The following SNX3 variants were observed in gnomAD, a reference collection of about 807,000 sequenced individuals.
SNX3 encodes the protein sorting nexin 3.
Under a neutral mutation model 17.7 loss-of-function variants are expected in SNX3, and 5 were observed. The observed-to-expected ratio is 0.28, with a 90% CI of 0.15 to 0.59. SNX3 has a LOEUF of 0.59. Ranked by LOEUF, SNX3 falls within the 20% of genes least tolerant of loss-of-function variation. The probability of loss-of-function intolerance (pLI) is 0.88; values close to 1 mark genes in which losing one functional copy is unlikely to be tolerated. For missense variants in SNX3, 132 were observed against 206.8 expected, an observed-to-expected ratio of 0.64 and a Z score of 2.22; for synonymous variants, 91 against 76.5, an observed-to-expected ratio of 1.19 and a Z score of -0.99.
chr6:108,260,428 C>A (rs1582521799), intron 1 of SNX3, among the ~76,000 whole-genome samples: 1 of 152,370 alleles, frequency 6.6e-6, no homozygotes, highest in East Asian at 1.9e-4. Context: ...ATCTCTTTCC[C>A]TTCCCAGCGA....
At chr6:108,221,795 T>C (rs543230767) in intron 2 of SNX3, among the ~76,000 whole-genome samples, 8 of 152,334 alleles carry the variant, frequency 5.3e-5, no homozygotes, top group East Asian at 3.9e-4. Flanking sequence ...TCCACCCACG[T>C]TGGCCTCCTG....
rs1287451687 is a variant in SNX3 at position 108,214,564 on chromosome 6, T to C, written c.317A>G (p.Asp106Gly). The C allele has an allele frequency of 3.7e-6, 6 of 1,613,506 alleles. No homozygotes were observed. The highest frequency in any genetic ancestry group is 5.1e-6 in the Non-Finnish European group (6 of 1,179,820). The change falls in exon 3 of 4, where the codon GAT (aspartate) becomes GGT (glycine). Residue 106 changes from aspartate (D) to glycine (G), a missense_variant. This residue lies in a region of SNX3 where 54 missense variants were observed against 118.0 expected (regional missense o/e 0.46). Transcript: ENST00000230085. ...AAAATTGTCATCAAATATTCCATCA[T>C]CTCCTCTAAAAGGAAGCTGACGCAA... ...AFLRQLPFRG[D>G]DGIFDDNFIE...
intron 1 of SNX3, among the ~76,000 whole-genome samples, chr6:108,245,770 A>G (rs1412379264): frequency 6.6e-6 from 1 of 152,212 alleles, no homozygotes; most frequent in Non-Finnish European, 1.5e-5. Flanking sequence ...GTGTCTGTTC[A>G]TATCCTTTGC....
intron 1 of SNX3, among the ~76,000 whole-genome samples, chr6:108,245,024 T>C (rs1029169667): frequency 2.0e-5 from 3 of 152,118 alleles, no homozygotes; most frequent in Non-Finnish European, 2.9e-5. Flanking sequence ...ACATGTGCCA[T>C]GGTGGTTTGC....
chr6:108,238,120 A>C (rs946766153), intron 1 of SNX3, among the ~76,000 whole-genome samples: 6 of 141,400 alleles, frequency 4.2e-5, no homozygotes, highest in South Asian at 2.2e-4. Flanking sequence ...AAAAAAAAAA[A>C]CAAACAAAAA....
chr6:108,237,014 T>C (rs1161526061), intron 1 of SNX3, among the ~76,000 whole-genome samples: 5 of 152,202 alleles, frequency 3.3e-5, no homozygotes, highest in Non-Finnish European at 7.4e-5. Context: ...TCACTTAACA[T>C]AAAAATCTTT....
At position 108,260,757 on chromosome 6, in the gene SNX3, C is replaced by T; in HGVS notation, c.162+3G>A. The T allele has an allele frequency of 6.2e-7, 1 of 1,613,618 alleles. No homozygotes were observed. Among genetic ancestry groups the T allele is most frequent in the Non-Finnish European group, 8.5e-7 (1 of 1,179,726 alleles). ...TCTTGGGAGAGGGGAGAGACGGCCT[C>T]ACCTTGACCCTGATTTCGTAAGTGG... is the stretch of plus-strand genomic sequence containing the variant. On this transcript the variant is annotated splice_donor_region_variant and intron_variant, in intron 1 of 3. Transcript: ENST00000230085.
In SNX3 at chr6:108,234,353, G is replaced by C. The variant is rs1301550903; in HGVS notation, c.163-11308C>G. 3.9e-5 allele frequency among the ~76,000 whole-genome samples: 6 copies of C among 152,098 alleles called. No individual in the cohort carries two copies. In the East Asian group the frequency reaches 5.8e-4, roughly 15 times the overall value. ...GGATCACCTGAGGTCAGGAGTTCAA[G>C]ACCAGCCTGGCCAATATGGCAAAAC... On this transcript the variant is annotated intron_variant, in intron 1 of 3. Coordinates refer to ENST00000230085, the MANE Select transcript of SNX3 (RefSeq NM_003795.6).
intron 1 of SNX3, among the ~76,000 whole-genome samples, chr6:108,260,277 A>G (rs540146410): frequency 1.3e-5 from 2 of 152,296 alleles, no homozygotes; most frequent in African/African-American, 4.8e-5. Flanking sequence ...TCCCGTTCAG[A>G]AGACTGCACA....
chr6:108,212,303 G>A (rs1340593539), intron 3 of SNX3, 49 bp from the exon 4 acceptor site: 1 of 1,299,560 alleles, frequency 7.7e-7, no homozygotes, highest in African/African-American at 1.5e-5. Context: ...ACAAGGTGGG[G>A]GAGTTCAAAA....
At chr6:108,226,468 A>C (rs914004250) in intron 1 of SNX3, among the ~76,000 whole-genome samples, 4 of 152,186 alleles carry the variant, frequency 2.6e-5, no homozygotes, top group South Asian at 2.1e-4. Context: ...CAAAAATACT[A>C]CTCAACACTA....
At chr6:108,258,556 C>T (rs1455086473) in intron 1 of SNX3, among the ~76,000 whole-genome samples, 1 of 152,024 alleles carries the variant, frequency 6.6e-6, no homozygotes, top group African/African-American at 2.4e-5. Context: ...GTTATGCCGG[C>T]TTGAGTAGAG....
intron 1 of SNX3, among the ~76,000 whole-genome samples, chr6:108,238,909 T>C (rs1022771014): frequency 1.3e-5 from 2 of 151,896 alleles, no homozygotes; most frequent in Non-Finnish European, 2.9e-5. Flanking sequence ...TTCTTTCTTT[T>C]TTTTTTTTTG....
At chr6:108,257,860 C>T (rs1020113679) in intron 1 of SNX3, among the ~76,000 whole-genome samples, 2 of 150,740 alleles carry the variant, frequency 1.3e-5, no homozygotes, top group African/African-American at 2.4e-5. Flanking sequence ...GCTACTTGGG[C>T]GGCTGAGGCA....
At chr6:108,240,434 G>A (rs1313107491) in intron 1 of SNX3, among the ~76,000 whole-genome samples, 1 of 152,110 alleles carries the variant, frequency 6.6e-6, no homozygotes. Context: ...AGCAAGGCTG[G>A]TCTCAAAATC....
At chr6:108,248,288 T>C (rs375078967) in intron 1 of SNX3, among the ~76,000 whole-genome samples, 13 of 152,244 alleles carry the variant, frequency 8.5e-5, no homozygotes, top group Non-Finnish European at 1.8e-4. Flanking sequence ...GCATATCTTA[T>C]TCATCTTTTA....
At chr6:108,219,846 G>A (rs1426081454) in intron 2 of SNX3, among the ~76,000 whole-genome samples, 2 of 152,094 alleles carry the variant, frequency 1.3e-5, no homozygotes, top group Non-Finnish European at 2.9e-5. Context: ...CTGCATAACA[G>A]TGTTTCCCAT....
At chr6:108,228,006 G>C (rs1319586377) in intron 1 of SNX3, among the ~76,000 whole-genome samples, 1 of 152,036 alleles carries the variant, frequency 6.6e-6, no homozygotes, top group African/African-American at 2.4e-5. Context: ...TGCTAGATAA[G>C]GGAGAATCAT....
rs547256593 is a variant in SNX3, at chr6:108,212,057, C to G, written c.*92G>C. 12 of 659,870 alleles carry G rather than the reference C, an allele frequency of 1.8e-5. No homozygotes were observed. In the African/African-American group the frequency reaches 2.2e-4, roughly 12 times the overall value. The allele number at this position is 659,870 out of a possible 1,614,324, so 40.9% of individuals were successfully genotyped here. ...GTTAGTATACTGAAGGCATGTTATA[C>G]CAGTTTCTGTGCAGCATGCTAAAAG... On this transcript the variant is annotated 3_prime_UTR_variant, in exon 4 of 4. Coordinates refer to ENST00000230085, the MANE Select transcript of SNX3 (RefSeq NM_003795.6).
Sources: allele counts gnomAD v4.1 joint callset (sites outside exome capture counted in the v4.1 genomes callset), GRCh38; gene constraint gnomAD v4.1.1; regional missense constraint gnomAD v4.1.1; transcripts MANE v1.5; gene names NCBI Gene and HGNC (gene_info 2026-07-23, HGNC 2026-07-21).